Variants in CNTNAP5 observed in about 807,000 individuals in gnomAD.
CNTNAP5 encodes the protein contactin-associated protein-like 5.
Under a neutral mutation model 150.2 loss-of-function variants are expected in CNTNAP5, and 72 were observed. That is an observed-to-expected ratio of 0.48 (90% CI 0.40 to 0.58). The LOEUF (loss-of-function observed/expected upper bound fraction) is 0.58, where lower values mean the gene tolerates loss of function less well. Ranked by LOEUF, CNTNAP5 falls within the 20% of genes least tolerant of loss-of-function variation. The pLI is 0.00. For synonymous variants in CNTNAP5, 672 were observed against 619.8 expected (o/e 1.08, Z -1.25); for missense variants, 1,636 against 1,626.2 (o/e 1.01, Z -0.10).
intron 1 of CNTNAP5, among the ~76,000 whole-genome samples, chr2:124,162,561 A>C (rs2104651071): frequency 6.6e-6 from 1 of 152,260 alleles, no homozygotes; most frequent in African/African-American, 2.4e-5. Flanking sequence ...GGGAAAGATG[A>C]CTTGGGGGTT....
At chr2:124,376,734 C>A (rs1573953411) in intron 3 of CNTNAP5, among the ~76,000 whole-genome samples, 1 of 152,008 alleles carries the variant, frequency 6.6e-6, no homozygotes. Context: ...TATCCAATTT[C>A]TTTTATTTTT....
chr2:124,680,239 G>A (rs1679035183), intron 13 of CNTNAP5, among the ~76,000 whole-genome samples: 1 of 151,810 alleles, frequency 6.6e-6, no homozygotes, highest in South Asian at 2.1e-4. Flanking sequence ...CCCAGGCCAG[G>A]TTAGGTTCCT....
intron 3 of CNTNAP5, among the ~76,000 whole-genome samples, chr2:124,254,333 A>C (rs775471130): frequency 3.3e-5 from 5 of 152,154 alleles, no homozygotes; most frequent in Admixed American, 3.3e-4. Context: ...GTATTTTCCT[A>C]GGCCTGAGGC....
chr2:124,175,345 G>T (rs968677436), intron 1 of CNTNAP5, among the ~76,000 whole-genome samples: 1 of 152,064 alleles, frequency 6.6e-6, no homozygotes, highest in African/African-American at 2.4e-5. Flanking sequence ...AAGTTTGATT[G>T]AATTAATTAA....
intron 1 of CNTNAP5, among the ~76,000 whole-genome samples, chr2:124,176,731 C>T (rs528571391): frequency 6.6e-6 from 1 of 152,088 alleles, no homozygotes; most frequent in South Asian, 2.1e-4. Flanking sequence ...TCTTCTCTGA[C>T]TCTGAGCAGC....
intron 3 of CNTNAP5, among the ~76,000 whole-genome samples, chr2:124,395,839 T>G (rs1691228865): frequency 6.6e-6 from 1 of 152,138 alleles, no homozygotes; most frequent in Non-Finnish European, 1.5e-5. Context: ...AAATGCACTC[T>G]GGTCCCTATT....
chr2:124,607,370 G>T (rs1677263589), intron 11 of CNTNAP5, among the ~76,000 whole-genome samples: 1 of 152,132 alleles, frequency 6.6e-6, no homozygotes, highest in African/African-American at 2.4e-5. Context: ...TCTTGCAAGG[G>T]CTGCCTTGTT....
chr2:124,210,824 TG>T (rs1317214879), intron 1 of CNTNAP5, among the ~76,000 whole-genome samples: 1 of 152,212 alleles, frequency 6.6e-6, no homozygotes, highest in Non-Finnish European at 1.5e-5. Context: ...AACATGAGCT[TG>T]GGAGGCCCTA....
intron 17 of CNTNAP5, among the ~76,000 whole-genome samples, chr2:124,783,092 G>A (rs1235400479): frequency 6.6e-6 from 1 of 152,134 alleles, no homozygotes; most frequent in East Asian, 1.9e-4. Flanking sequence ...ACGGGTTAGT[G>A]GTATTCTTAG....
Position 124,257,172 on chromosome 2 carries a change from C to G in CNTNAP5, c.381+14779C>G, listed in dbSNP as rs145593854. Among the ~76,000 whole-genome samples, 218 of 152,270 alleles carry G rather than the reference C, an allele frequency of 1.4e-3. 1 individual carries two copies. Among genetic ancestry groups the G allele is most frequent in the Non-Finnish European group, 2.3e-3 (156 of 68,020 alleles). The stretch of plus-strand genomic sequence containing the variant: ...AATTATGCTTCTGGACTTCTGGCCT[C>G]CAGAAATATGAAAGAATAATTTTCT... On this transcript the variant is annotated intron_variant, in intron 3 of 23. Coordinates refer to ENST00000682447, the MANE Select transcript of CNTNAP5 (RefSeq NM_001367498.1).
At chr2:124,541,121 C>T (rs1695370888) in intron 10 of CNTNAP5, among the ~76,000 whole-genome samples, 1 of 148,046 alleles carries the variant, frequency 6.8e-6, no homozygotes, top group Non-Finnish European at 1.5e-5. Context: ...TGTGTGTGTC[C>T]TCTGCTGAAA....
At chr2:124,203,665 A>C (rs1193040059) in intron 1 of CNTNAP5, among the ~76,000 whole-genome samples, 1 of 152,154 alleles carries the variant, frequency 6.6e-6, no homozygotes, top group African/African-American at 2.4e-5. Flanking sequence ...CAGGTACAAC[A>C]CCAGATGTGA....
intron 12 of CNTNAP5, among the ~76,000 whole-genome samples, chr2:124,611,221 G>T (rs1474108539): frequency 1.3e-5 from 2 of 152,170 alleles, no homozygotes; most frequent in Non-Finnish European, 2.9e-5. Context: ...TGAAAAGTAA[G>T]ACACAGTGGC....
intron 21 of CNTNAP5, among the ~76,000 whole-genome samples, chr2:124,884,003 GC>G (rs1678026341): frequency 6.6e-6 from 1 of 152,026 alleles, no homozygotes; most frequent in Non-Finnish European, 1.5e-5. Flanking sequence ...GTACATGCAT[GC>G]CCATGCACGT....
chr2:124,568,970 C>A (rs1464958145), intron 11 of CNTNAP5, among the ~76,000 whole-genome samples: 1 of 152,176 alleles, frequency 6.6e-6, no homozygotes, highest in Non-Finnish European at 1.5e-5. Flanking sequence ...ATGGCATGAG[C>A]CTGGGAGGCG....
At chr2:124,539,069 C>T (rs1387401244) in intron 10 of CNTNAP5, among the ~76,000 whole-genome samples, 2 of 152,100 alleles carry the variant, frequency 1.3e-5, no homozygotes, top group African/African-American at 2.4e-5. Context: ...AAGCATTCAT[C>T]GATGGCCCAT....
At chr2:124,552,636 T>G (rs1381767895) in intron 10 of CNTNAP5, among the ~76,000 whole-genome samples, 1 of 152,222 alleles carries the variant, frequency 6.6e-6, no homozygotes, top group African/African-American at 2.4e-5. Context: ...TATATGTATG[T>G]GTGAGTATAT....
intron 13 of CNTNAP5, among the ~76,000 whole-genome samples, chr2:124,685,177 C>T (rs1034754933): frequency 6.6e-6 from 1 of 152,114 alleles, no homozygotes; most frequent in African/African-American, 2.4e-5. Context: ...GGATGAAAAT[C>T]CCCTCGGATA....
At chr2:124,146,790 G>A (rs1684264633) in intron 1 of CNTNAP5, among the ~76,000 whole-genome samples, 1 of 152,062 alleles carries the variant, frequency 6.6e-6, no homozygotes, top group Admixed American at 6.6e-5. Context: ...CATTATTTGA[G>A]TAACAGAAAG....
Sources: gnomAD v4.1 joint callset for allele counts (sites outside exome capture counted in the v4.1 genomes callset) on GRCh38, gnomAD v4.1.1 for gene constraint, MANE v1.5 for transcripts, NCBI Gene and HGNC (gene_info 2026-07-23, HGNC 2026-07-21) for gene names.